The following ADAMTS20 variants were observed in gnomAD, a reference collection of about 807,000 sequenced individuals.
ADAMTS20 encodes ADAM metallopeptidase with thrombospondin type 1 motif 20.
A neutral mutation model predicts 260.1 loss-of-function variants in ADAMTS20; 225 were observed. The ratio of observed to expected loss-of-function variants is 0.87; its 90% CI spans 0.78 to 0.97. The LOEUF (loss-of-function observed/expected upper bound fraction) is 0.97, where lower values mean the gene tolerates loss of function less well. Among genes scored for constraint, ADAMTS20 ranks in the 50% least tolerant of loss-of-function variants. The probability of loss-of-function intolerance (pLI) is 0.00; values close to 1 mark genes in which losing one functional copy is unlikely to be tolerated. For synonymous variants in ADAMTS20, 802 were observed against 769.5 expected (o/e 1.04, Z -0.70); for missense variants, 2,400 against 2,337.7 (o/e 1.03, Z -0.55).
At chr12:43,538,975 T>C (rs997087907) in intron 2 of ADAMTS20, among the ~76,000 whole-genome samples, 4 of 146,204 alleles carry the variant, frequency 2.7e-5, no homozygotes, top group African/African-American at 1.0e-4. Flanking sequence ...TTTTTTGAGA[T>C]GGAGTCTCAC....
intron 15 of ADAMTS20, 80 bp downstream of exon 15, chr12:43,446,515 G>C: frequency 1.9e-6 from 2 of 1,071,176 alleles, no homozygotes; most frequent in Non-Finnish European, 2.8e-6. Context: ...CAGTAACAAA[G>C]AATTACTGTT....
At chr12:43,445,231 C>G (rs1427550455) in intron 15 of ADAMTS20, among the ~76,000 whole-genome samples, 1 of 152,106 alleles carries the variant, frequency 6.6e-6, no homozygotes, top group Non-Finnish European at 1.5e-5. Context: ...GTACAATTTT[C>G]ACAAGATTAC....
At chr12:43,493,082 CA>C in intron 5 of ADAMTS20, 87 bp downstream of exon 5, 1 of 882,092 alleles carries the variant, frequency 1.1e-6, no homozygotes. Flanking sequence ...AAAAATATCT[CA>C]TTTCTAATAA....
chr12:43,493,038 T>G, intron 5 of ADAMTS20, 132 bp downstream of exon 5: 5 of 681,368 alleles, frequency 7.3e-6, no homozygotes, highest in Non-Finnish European at 1.2e-5. Context: ...AAGGGTAATC[T>G]CATTCCTTCT....
rs374908169 is a variant in ADAMTS20, at chr12:43,427,388, C to G, written c.4027G>C (p.Asp1343His). ...AACTCTGGAGGCTTGGAGGCTGCAT[C>G]GCAGTAACTAGCACTTTGTCCATTT... ...DENGQSASYC[D>H]AASKPPELQQ... The change falls in exon 27 of 39, where the codon GAT becomes CAT. Residue 1343 changes from aspartate (D) to histidine (H), a missense_variant. By Grantham distance (81) the Asp-to-His change is moderately conservative. Coordinates refer to ENST00000389420, the MANE Select transcript of ADAMTS20 (RefSeq NM_025003.5). The G allele has an allele frequency of 6.2e-7, 1 of 1,613,822 alleles. No homozygotes were observed. The highest frequency in any genetic ancestry group is 2.2e-5 in the East Asian group (1 of 44,898).
chr12:43,396,676 T>C (rs377375027), intron 29 of ADAMTS20, among the ~76,000 whole-genome samples: 5 of 152,308 alleles, frequency 3.3e-5, no homozygotes. Context: ...TCCTTAAATA[T>C]TCATATCTGT....
intron 31 of ADAMTS20, among the ~76,000 whole-genome samples, chr12:43,381,120 A>T (rs1390409728): frequency 6.6e-6 from 1 of 152,182 alleles, no homozygotes; most frequent in African/African-American, 2.4e-5. Context: ...TTTGACAAGG[A>T]TGCCAAGCTA....
At position 43,464,706 on chromosome 12, in the gene ADAMTS20, T is replaced by C; in HGVS notation, c.1394A>G (p.Asp465Gly). Residue 465 changes from aspartate (D) to glycine (G), a missense_variant, in exon 10 of 39, where the codon GAC (aspartate) becomes GGC (glycine). Asp to Gly is a moderately conservative substitution (Grantham distance 94). Coordinates refer to ENST00000389420, the MANE Select transcript of ADAMTS20 (RefSeq NM_025003.5). ...ATTATATATTTCTTCATCTGGTTTG[T>C]CAAGAAGACATTCCCCGTAACCAGT... ...LDTGYGECLL[D>G]KPDEEIYNLP... 6.2e-7 allele frequency: 1 copy of C among 1,613,178 alleles called. No individual in the cohort carries two copies.
At chr12:43,437,156 TAA>T (rs980362783) in intron 18 of ADAMTS20, among the ~76,000 whole-genome samples, 2 of 152,040 alleles carry the variant, frequency 1.3e-5, no homozygotes, top group African/African-American at 4.8e-5. Context: ...GAAGAAAACT[TAA>T]AGACTATGAT....
intron 29 of ADAMTS20, among the ~76,000 whole-genome samples, chr12:43,388,293 C>T (rs1336014278): frequency 1.3e-5 from 2 of 152,088 alleles, no homozygotes; most frequent in Non-Finnish European, 2.9e-5. Context: ...GTTTCCTGAC[C>T]CCTTGTGCTT....
At chr12:43,382,784 G>T (rs920435262) in intron 31 of ADAMTS20, among the ~76,000 whole-genome samples, 6 of 151,922 alleles carry the variant, frequency 3.9e-5, no homozygotes, top group South Asian at 2.1e-4. Flanking sequence ...ATATAAAAAA[G>T]CTGAAATTAA....
intron 16 of ADAMTS20, among the ~76,000 whole-genome samples, chr12:43,440,921 C>G (rs1293143095): frequency 6.6e-6 from 1 of 152,050 alleles, no homozygotes; most frequent in Admixed American, 6.6e-5. Context: ...AAAAATTAGC[C>G]GGGCGTACTG....
chr12:43,425,614 T>A lies in ADAMTS20; in HGVS notation c.4184A>T (p.Asp1395Val). Residue 1395 changes from aspartate to valine, a missense_variant, in exon 28 of 39, where the codon GAT (aspartate) becomes GTT (valine). By Grantham distance (152) the Asp-to-Val change is radical (BLOSUM62 -3). Transcript: ENST00000389420. ...CTTGTTTACAATTTCACAGTTGTGA[T>A]CTTCTAATATTTGGCCATTGGGAAA... ...CQFPNGQILE[D>V]HNCEIVNKPP... is the part of the protein sequence containing the mutation. The A allele has an allele frequency of 6.2e-7, 1 of 1,611,536 alleles. No individual in the cohort carries two copies. Among genetic ancestry groups the A allele is most frequent in the Non-Finnish European group, 8.5e-7 (1 of 1,178,462 alleles).
chr12:43,457,561 G>A (rs960634564), intron 11 of ADAMTS20, among the ~76,000 whole-genome samples: 3 of 152,102 alleles, frequency 2.0e-5, no homozygotes, highest in African/African-American at 7.2e-5. Flanking sequence ...CTGAATTCCT[G>A]CCTTCCCAAC....
chr12:43,388,228 T>C (rs1940523907), intron 29 of ADAMTS20, among the ~76,000 whole-genome samples: 1 of 152,148 alleles, frequency 6.6e-6, no homozygotes, highest in Non-Finnish European at 1.5e-5. Context: ...CCGGGCCAGA[T>C]AGGACCGTCC....
At chr12:43,492,698 G>A (rs1387297121) in intron 5 of ADAMTS20, 69 bp from the exon 6 acceptor site, 2 of 1,549,424 alleles carry the variant, frequency 1.3e-6, no homozygotes, top group African/African-American at 1.4e-5. Flanking sequence ...AAGTTTATCA[G>A]CATCTGCACA....
At chr12:43,456,663 C>T (rs970710939) in intron 11 of ADAMTS20, among the ~76,000 whole-genome samples, 1 of 152,176 alleles carries the variant, frequency 6.6e-6, no homozygotes, top group African/African-American at 2.4e-5. Flanking sequence ...AAGAGCACAC[C>T]TGGACAGGGC....
At chr12:43,478,283 C>T (rs189473519) in intron 7 of ADAMTS20, among the ~76,000 whole-genome samples, 1 of 151,312 alleles carries the variant, frequency 6.6e-6, no homozygotes, top group East Asian at 1.9e-4. Context: ...GGGTGAAATA[C>T]CAGATTAGAC....
chr12:43,384,578 T>A (rs971457573), intron 29 of ADAMTS20, among the ~76,000 whole-genome samples: 1 of 152,170 alleles, frequency 6.6e-6, no homozygotes, highest in Non-Finnish European at 1.5e-5. Flanking sequence ...GCATTAGGTA[T>A]TTCTCCTAAT....
Sources: allele counts gnomAD v4.1 joint callset (sites outside exome capture counted in the v4.1 genomes callset), GRCh38; gene constraint gnomAD v4.1.1; transcripts MANE v1.5; gene names NCBI Gene and HGNC (gene_info 2026-07-23, HGNC 2026-07-21).